Variants in COMT observed in about 807,000 individuals in gnomAD.
COMT encodes the protein catechol-O-methyltransferase, also known as catechol O-methyltransferase.
In COMT, 13 loss-of-function variants were observed where a neutral mutation model predicts 18.9. The observed-to-expected ratio is 0.69, with a 90% CI of 0.45 to 1.09. The LOEUF (loss-of-function observed/expected upper bound fraction) is 1.09. Ranked by LOEUF, COMT falls within the 50% of genes least tolerant of loss-of-function variation. COMT has a pLI of 0.00. For missense variants in COMT, 329 were observed against 361.8 expected, an observed-to-expected ratio of 0.91 and a Z score of 0.73; for synonymous variants, 150 against 160.9, an observed-to-expected ratio of 0.93 and a Z score of 0.51.
At chr22:19,949,598 C>T (rs913756006) in intron 1 of COMT, among the ~76,000 whole-genome samples, 5 of 151,588 alleles carry the variant, frequency 3.3e-5, no homozygotes, top group East Asian at 1.9e-4. Flanking sequence ...CATTAGTAAC[C>T]GGTATTTTTT....
chr22:19,964,085 G>A, intron 4 of COMT, 83 bp from the exon 5 acceptor site: 2 of 1,610,922 alleles, frequency 1.2e-6, no homozygotes, highest in South Asian at 1.1e-5. Flanking sequence ...TGTGGGCGTG[G>A]GCACTGACAG....
intron 1 of COMT, among the ~76,000 whole-genome samples, chr22:19,959,622 C>A (rs978322688): frequency 2.6e-5 from 4 of 152,240 alleles, no homozygotes; most frequent in Non-Finnish European, 4.4e-5. Context: ...TGGCCCGGGG[C>A]AGCCAGTCCC....
Position 19,941,911 on chromosome 22 carries a change from C to A in COMT, c.-92+14C>A. 1 of 1,214,968 alleles carries A rather than the reference C, an allele frequency of 8.2e-7. No homozygotes were observed. The highest frequency in any genetic ancestry group is 1.1e-6 in the Non-Finnish European group (1 of 938,070). 75.3% of individuals were successfully genotyped at this position (1,214,968 alleles called of 1,614,324 possible). On this transcript the variant is annotated intron_variant, in intron 1 of 5. Coordinates refer to ENST00000361682, the MANE Select transcript of COMT (RefSeq NM_000754.4). ...GTCGCGGGAGAGGTGAGAGCGCTGGCTAGACCGGGGCCGAATGCGGCCGGA... is the reference window on the plus strand; with the variant it reads ...GTCGCGGGAGAGGTGAGAGCGCTGGATAGACCGGGGCCGAATGCGGCCGGA...
chr22:19,963,246 A>T, intron 3 of COMT: 1 of 519,870 alleles, frequency 1.9e-6, no homozygotes, highest in Non-Finnish European at 3.4e-6. Context: ...TCGGTGATTC[A>T]GAGAGGGCAG....
At position 19,963,566 on chromosome 22, in the gene COMT, G is replaced by A. The variant is rs1173091650; in HGVS notation, c.290G>A (p.Gly97Asp). The change falls in exon 4 of 6, where the codon GGC (glycine) becomes GAC (aspartate). Residue 97 changes from glycine to aspartate, a missense_variant and splice_region_variant. Gly to Asp is a moderately conservative substitution (Grantham distance 94). Transcript: ENST00000361682. ...CTCCTCCGTCCCCAACCCTGCACAGGCAAGATCGTGGACGCCGTGATTCAG... is the reference window on the plus strand; with the variant it reads ...CTCCTCCGTCCCCAACCCTGCACAGACAAGATCGTGGACGCCGTGATTCAG... ...EWAMNVGDKK[G>D]KIVDAVIQEH... 8.1e-6 allele frequency: 13 copies of A among 1,611,738 alleles called. No individual in the cohort carries two copies. The highest frequency in any genetic ancestry group is 1.1e-5 in the Non-Finnish European group (13 of 1,179,980).
chr22:19,946,019 T>C (rs1941830269), intron 1 of COMT, among the ~76,000 whole-genome samples: 1 of 151,940 alleles, frequency 6.6e-6, no homozygotes, highest in Non-Finnish European at 1.5e-5. Flanking sequence ...GAGCCAACAA[T>C]ATTCTGAACA....
At chr22:19,967,211 TGATGACCA>T (rs1207047381) in intron 5 of COMT, 2 of 1,304,700 alleles carry the variant, frequency 1.5e-6, no homozygotes, top group Admixed American at 4.6e-5. Context: ...TCTGTATCCC[TGATGACCA>T]GATTGGGCTC....
chr22:19,963,352 G>T lies in COMT; in HGVS notation c.290-214G>T. ...CTAAGGGACCATGGGAGCTCCAAGC[G>T]CGCTCACAGTGGGGACCAGGTCCTG... On this transcript the variant is annotated intron_variant, in intron 3 of 5. Transcript: ENST00000361682. 4.9e-6 allele frequency: 3 copies of T among 614,404 alleles called. No homozygotes were observed. The South Asian group carries it at 5.9e-5, about 12-fold the overall frequency. The allele number at this position is 614,404 out of a possible 1,614,324, so 38.1% of individuals were successfully genotyped here. A position where few individuals can be genotyped will look rare whatever the true frequency, so the allele number is the denominator to read the frequency against.
chr22:19,964,710 T>C lies in COMT; in HGVS notation c.615+411T>C, dbSNP rs986535627. ...TCGTGCAAAGAAAGCATGTGTCTCC[T>C]GCAGATCTTCCTCCTGAGGCCCCAT... On this transcript the variant is annotated intron_variant, in intron 5 of 5. Coordinates refer to ENST00000361682, the MANE Select transcript of COMT (RefSeq NM_000754.4). 4 of 520,670 alleles carry C rather than the reference T, an allele frequency of 7.7e-6. No individual in the cohort carries two copies. In the Admixed American group the frequency reaches 1.3e-4, roughly 17 times the overall value. 32.3% of individuals were successfully genotyped at this position (520,670 alleles called of 1,614,324 possible).
chr22:19,948,175 C>A (rs1700766593), intron 1 of COMT, among the ~76,000 whole-genome samples: 1 of 152,146 alleles, frequency 6.6e-6, no homozygotes, highest in Non-Finnish European at 1.5e-5. Context: ...TATATATTTT[C>A]TTTATTATAC....
At chr22:19,964,918 G>C (rs1237863435) in intron 5 of COMT, 1 of 210,134 alleles carries the variant, frequency 4.8e-6, no homozygotes, top group Non-Finnish European at 9.7e-6. Flanking sequence ...CTGGTGGTCA[G>C]CGACACTGAG....
Position 19,956,373 on chromosome 22 carries a change from T to C in COMT, c.-91-4826T>C, listed in dbSNP as rs1280341868. On this transcript the variant is annotated intron_variant, in intron 1 of 5. Coordinates refer to ENST00000361682, the MANE Select transcript of COMT (RefSeq NM_000754.4). Reference sequence around the variant, plus strand: ...GGCCAGGATGGTCTTGAGCTCTCTTTTTTTTTTTTTTTTTTTTTTTTGAGA... The same window carrying C: ...GGCCAGGATGGTCTTGAGCTCTCTTCTTTTTTTTTTTTTTTTTTTTTGAGA... Among the ~76,000 whole-genome samples, 195 of 125,708 alleles carry C rather than the reference T, an allele frequency of 1.6e-3. 6 individuals carry two copies. The highest frequency in any genetic ancestry group is 4.5e-3 in the African/African-American group (151 of 33,306). 82.5% of individuals were successfully genotyped at this position (125,708 alleles called of 152,430 possible).
intron 1 of COMT, among the ~76,000 whole-genome samples, chr22:19,943,057 A>G (rs972564020): frequency 6.6e-6 from 1 of 152,132 alleles, no homozygotes; most frequent in African/African-American, 2.4e-5. Flanking sequence ...CGTTCTGGGA[A>G]TGTGGCCTTG....
chr22:19,965,527 A>C (rs1418730990), intron 5 of COMT: 1 of 152,078 alleles, frequency 6.6e-6, no homozygotes, highest in Non-Finnish European at 1.5e-5. Context: ...AGTTTAGTAG[A>C]GATGGGGTTT....
intron 1 of COMT, among the ~76,000 whole-genome samples, chr22:19,959,238 T>C (rs1019300459): frequency 1.3e-5 from 2 of 152,236 alleles, no homozygotes; most frequent in African/African-American, 4.8e-5. Flanking sequence ...GGTGGGTTTC[T>C]ACGTGGCTTT....
At chr22:19,950,764 T>C (rs574216987) in intron 1 of COMT, among the ~76,000 whole-genome samples, 2 of 152,162 alleles carry the variant, frequency 1.3e-5, no homozygotes, top group Admixed American at 6.5e-5. Flanking sequence ...AGGAGCTAGT[T>C]TGGGGAGATC....
chr22:19,948,411 T>A (rs774252948), intron 1 of COMT, among the ~76,000 whole-genome samples: 1 of 152,122 alleles, frequency 6.6e-6, no homozygotes, highest in Non-Finnish European at 1.5e-5. Flanking sequence ...TCCCAACACT[T>A]TGGGAGTCCG....
At chr22:19,967,422 T>C (rs1942473812) in intron 5 of COMT, 2 of 470,026 alleles carry the variant, frequency 4.3e-6, no homozygotes, top group East Asian at 7.0e-5. Flanking sequence ...TGAAAACACA[T>C]CATGATTCAT....
intron 2 of COMT, chr22:19,962,230 TAG>T: frequency 2.0e-6 from 1 of 500,870 alleles, no homozygotes; most frequent in Non-Finnish European, 3.7e-6. Flanking sequence ...TGTGTGGTTT[TAG>T]AGGATCCCTG....
Sources: allele counts gnomAD v4.1 joint callset (sites outside exome capture counted in the v4.1 genomes callset), GRCh38; gene constraint gnomAD v4.1.1; transcripts MANE v1.5; gene names NCBI Gene and HGNC (gene_info 2026-07-23, HGNC 2026-07-21).